ZNF577: variants seen among roughly 807,000 people sequenced by gnomAD.
The protein encoded by ZNF577 is zinc finger protein 577.
ZNF577 carries 14 observed loss-of-function variants against 13.9 expected under a neutral mutation model. That is an observed-to-expected ratio of 1.00 (90% CI 0.66 to 1.57). The LOEUF is 1.57. Among genes scored for constraint, ZNF577 ranks in the 40% most tolerant of loss-of-function variants. ZNF577 has a pLI of 0.00. For missense variants in ZNF577, 555 were observed against 579.2 expected (o/e 0.96, Z 0.43); for synonymous variants, 203 against 202.9 (o/e 1.00, Z 0.00).
At chr19:51,823,849 G>C (rs2084209341) in intron 9 of ZNF577, 5 of 1,613,894 alleles carry the variant, frequency 3.1e-6, no homozygotes, top group Non-Finnish European at 3.4e-6. Flanking sequence ...CTAGTCCACG[G>C]AGTCACCTTT....
intron 5 of ZNF577, among the ~76,000 whole-genome samples, chr19:51,853,288 C>T (rs143344333): frequency 6.6e-6 from 1 of 152,322 alleles, no homozygotes; most frequent in African/African-American, 2.4e-5. Flanking sequence ...CTTTCTCTAA[C>T]TCAACACCAC....
At chr19:51,817,670 TTC>T (rs776932555) in intron 9 of ZNF577, 1 of 152,194 alleles carries the variant, frequency 6.6e-6, no homozygotes, top group Non-Finnish European at 1.5e-5. Context: ...AATACAGGCA[TTC>T]TGTTTTGAGG....
intron 5 of ZNF577, among the ~76,000 whole-genome samples, chr19:51,853,605 C>G (rs1473438009): frequency 1.3e-5 from 2 of 152,138 alleles, no homozygotes; most frequent in African/African-American, 4.8e-5. Context: ...GTACGGGAGT[C>G]TATGTAGTAG....
rs909540953 is a variant in ZNF577, at chr19:51,869,615, G to C, written c.*2917C>G. 7.3e-5 allele frequency among the ~76,000 whole-genome samples: 11 copies of C among 150,856 alleles called. No homozygotes were observed. Among genetic ancestry groups the C allele is most frequent in the Non-Finnish European group, 1.5e-4 (10 of 67,252 alleles). On this transcript the variant is annotated 3_prime_UTR_variant, in exon 6 of 6. Coordinates refer to ENST00000638348, the MANE Select transcript of ZNF577 (RefSeq NM_001370449.1). ...ACTGTTCTTTCTCTACTTTGTCTCT[G>C]TGTCTTATTTCTTATTTCTTTTCTC...
At chr19:51,827,726 T>C (rs2122509312) in intron 9 of ZNF577, among the ~76,000 whole-genome samples, 1 of 152,328 alleles carries the variant, frequency 6.6e-6, no homozygotes, top group East Asian at 1.9e-4. Context: ...AACCATTGCC[T>C]AAAGACTTCA....
At chr19:51,805,624 T>C (rs1313357592) in intron 10 of ZNF577, among the ~76,000 whole-genome samples, 1 of 152,214 alleles carries the variant, frequency 6.6e-6, no homozygotes, top group Non-Finnish European at 1.5e-5. Flanking sequence ...CACAGAACCA[T>C]GGATTTCAAC....
intron 9 of ZNF577, among the ~76,000 whole-genome samples, chr19:51,816,541 C>G (rs893836350): frequency 6.6e-6 from 1 of 152,186 alleles, no homozygotes; most frequent in African/African-American, 2.4e-5. Context: ...AACCACCATG[C>G]CTGGCCTAAG....
intron 9 of ZNF577, among the ~76,000 whole-genome samples, chr19:51,813,413 T>TTTTATA (rs2084112123): frequency 6.6e-6 from 1 of 151,952 alleles, no homozygotes. Flanking sequence ...TCATTTATAT[T>TTTTATA]TTTATTTTTA....
chr19:51,886,368 T>C (rs976130693), intron 1 of ZNF577: 5 of 152,228 alleles, frequency 3.3e-5, no homozygotes, highest in African/African-American at 4.8e-5. Context: ...GTTTTATCTA[T>C]ACCACCATTC....
chr19:51,846,314 G>T (rs899964380), intron 5 of ZNF577, among the ~76,000 whole-genome samples: 19 of 152,140 alleles, frequency 1.2e-4, no homozygotes, highest in African/African-American at 4.6e-4. Flanking sequence ...CTTTTGTCAA[G>T]TATCTATTAA....
intron 10 of ZNF577, among the ~76,000 whole-genome samples, chr19:51,810,139 G>A (rs1188781356): frequency 6.6e-6 from 1 of 152,138 alleles, no homozygotes; most frequent in Non-Finnish European, 1.5e-5. Context: ...CCACTTTAGG[G>A]TTTGACCCTT....
chr19:51,886,734 CACTT>C (rs1415308475), intron 1 of ZNF577, 83 bp downstream of exon 1: 1 of 152,154 alleles, frequency 6.6e-6, no homozygotes, highest in Non-Finnish European at 1.5e-5. Context: ...AACATTTGCT[CACTT>C]AATCTTCATA....
chr19:51,857,763 T>TACACACACACACACGC (rs2084452671), intron 5 of ZNF577, among the ~76,000 whole-genome samples: 1 of 151,416 alleles, frequency 6.6e-6, no homozygotes, highest in Non-Finnish European at 1.5e-5. Flanking sequence ...TCTGTACACA[T>TACACACACACACACGC]ACACACACAC....
chr19:51,822,876 T>G (rs373800357), intron 9 of ZNF577, among the ~76,000 whole-genome samples: 79 of 152,034 alleles, frequency 5.2e-4, no homozygotes, highest in African/African-American at 1.5e-3. Flanking sequence ...TTTTTTTTTG[T>G]GGGGGGAAAT....
At chr19:51,819,924 C>A (rs182952981) in intron 9 of ZNF577, among the ~76,000 whole-genome samples, 2 of 152,054 alleles carry the variant, frequency 1.3e-5, no homozygotes, top group Admixed American at 1.3e-4. Context: ...AGGACAAATA[C>A]CATTTCTTGG....
intron 5 of ZNF577, among the ~76,000 whole-genome samples, chr19:51,849,708 C>T (rs902775477): frequency 2.6e-5 from 4 of 152,154 alleles, no homozygotes; most frequent in Admixed American, 6.5e-5. Context: ...AAAAATGGTA[C>T]CACTTCTTCG....
rs140263646 is a variant in ZNF577, at chr19:51,850,099, G to C, written c.284-5168C>G. Among the ~76,000 whole-genome samples the C allele has an allele frequency of 4.5e-3, 691 of 152,316 alleles. 5 individuals are homozygous for C. Among genetic ancestry groups the C allele is most frequent in the Middle Eastern group, 0.024 (7 of 294 alleles). ...GGACAGAAGGAGGGATTTTTGGGCG[G>C]TGGTGGAACTTATGAAGTAAAGCAC... On this transcript the variant is annotated intron_variant and NMD_transcript_variant, in intron 5 of 10. Coordinates refer to the ZNF577 transcript ENST00000638827.
At chr19:51,880,089 CAA>C (rs984241483) in intron 3 of ZNF577, among the ~76,000 whole-genome samples, 2 of 152,162 alleles carry the variant, frequency 1.3e-5, no homozygotes, top group African/African-American at 4.8e-5. Context: ...TATCACTGGG[CAA>C]AGTCAGATGA....
In ZNF577 at chr19:51,868,785, T is replaced by C. The variant is rs71358855; in HGVS notation, c.*3747A>G. Among the ~76,000 whole-genome samples, 4,751 of 152,314 alleles carry C rather than the reference T, an allele frequency of 0.031. 116 individuals are homozygous for C. Among genetic ancestry groups the C allele is most frequent in the Non-Finnish European group, 0.049 (3,359 of 68,026 alleles). On this transcript the variant is annotated 3_prime_UTR_variant, in exon 6 of 6. Transcript: ENST00000638348. ...GAAGACATAAGAAACTCTATTTTGATCTGTACTAAGAGAAATTATTCTGCC... is the reference window on the plus strand; with the variant it reads ...GAAGACATAAGAAACTCTATTTTGACCTGTACTAAGAGAAATTATTCTGCC...
Sources: gnomAD v4.1 joint callset for allele counts (sites outside exome capture counted in the v4.1 genomes callset) on GRCh38, gnomAD v4.1.1 for gene constraint, MANE v1.5 for transcripts, NCBI Gene and HGNC (gene_info 2026-07-23, HGNC 2026-07-21) for gene names.